Variants in TENM3 observed in about 807,000 individuals in gnomAD.
TENM3 encodes the protein teneurin-3.
Under a neutral mutation model 255.1 loss-of-function variants are expected in TENM3, and 63 were observed. The ratio of observed to expected loss-of-function variants is 0.25; its 90% confidence interval spans 0.20 to 0.30. The LOEUF (loss-of-function observed/expected upper bound fraction) is 0.30, where lower values mean the gene tolerates loss of function less well. TENM3 is among the 10% of genes least tolerant of loss of function. The probability of loss-of-function intolerance (pLI) is 1.00; values close to 1 mark genes in which losing one functional copy is unlikely to be tolerated. For synonymous variants in TENM3, 1,306 were observed against 1,322.3 expected (o/e 0.99, Z 0.27); for missense variants, 2,929 against 3,461.1 (o/e 0.85, Z 3.86).
intron 19 of TENM3, 130 bp from the exon 20 acceptor site, chr4:182,751,670 C>T: frequency 1.5e-6 from 1 of 673,004 alleles, no homozygotes; most frequent in Non-Finnish European, 2.7e-6. Flanking sequence ...CAGTACTATT[C>T]ATGTCTAATC....
the TENM3 span, among the ~76,000 whole-genome samples, chr4:181,949,443 T>C: frequency 1.3e-5 from 2 of 152,198 alleles, no homozygotes; most frequent in African/African-American, 2.4e-5. Flanking sequence ...TTGTCTTCTC[T>C]CTTTGTCACA....
the TENM3 span, among the ~76,000 whole-genome samples, chr4:181,970,203 AAAT>A: frequency 6.6e-6 from 1 of 152,244 alleles, no homozygotes; most frequent in Non-Finnish European, 1.5e-5. Context: ...GTAGTCATTT[AAAT>A]AATAATGAGG....
the TENM3 span, among the ~76,000 whole-genome samples, chr4:181,785,293 A>G: frequency 6.6e-6 from 1 of 152,154 alleles, no homozygotes; most frequent in Non-Finnish European, 1.5e-5. Flanking sequence ...AAATGAAATC[A>G]GAAAGGGTGG....
rs563277542 is a variant in TENM3, at chr4:182,741,417, G to T, written c.3380-1753G>T. On this transcript the variant is annotated intron_variant, in intron 18 of 27. Transcript: ENST00000511685. ...GAAACGTAGATGCTGACAGTTATTCGTGCGGGCGCCCTGAAACATGGAAAT... is the reference window on the plus strand; with the variant it reads ...GAAACGTAGATGCTGACAGTTATTCTTGCGGGCGCCCTGAAACATGGAAAT... 5.7e-4 allele frequency among the ~76,000 whole-genome samples: 87 copies of T among 152,300 alleles called. No individual in the cohort carries two copies. The Middle Eastern group carries it at 0.01, about 18-fold the overall frequency.
At chr4:182,174,616 CAGAT>C (rs1321822930) in intron 1 of TENM3, among the ~76,000 whole-genome samples, 1 of 151,788 alleles carries the variant, frequency 6.6e-6, no homozygotes, top group Non-Finnish European at 1.5e-5. Context: ...TACTTGGGGT[CAGAT>C]AGAGCCCCAC....
At chr4:182,558,473 G>C (rs1051978206) in intron 3 of TENM3, among the ~76,000 whole-genome samples, 2 of 152,154 alleles carry the variant, frequency 1.3e-5, no homozygotes, top group African/African-American at 4.8e-5. Flanking sequence ...TTGCCAACAG[G>C]CTACTCTAGA....
At chr4:182,139,871 A>G (rs1321766369), upstream of TENM3, among the ~76,000 whole-genome samples, 7 of 152,244 alleles carry the variant, frequency 4.6e-5, no homozygotes, top group Non-Finnish European at 1.0e-4. Context: ...GTACTGGAGA[A>G]GCATGGTCCC....
chr4:181,879,194 A>G, the TENM3 span, among the ~76,000 whole-genome samples: 2 of 152,228 alleles, frequency 1.3e-5, no homozygotes, highest in South Asian at 2.1e-4. Context: ...GTCAAGTGAC[A>G]TAAATTCAGA....
At chr4:181,938,884 G>A in the TENM3 span, among the ~76,000 whole-genome samples, 1 of 152,140 alleles carries the variant, frequency 6.6e-6, no homozygotes, top group Non-Finnish European at 1.5e-5. Context: ...TTGTGAAAGG[G>A]CTTTTGGAAA....
chr4:182,558,924 C>T (rs1580933014), intron 3 of TENM3, among the ~76,000 whole-genome samples: 1 of 152,034 alleles, frequency 6.6e-6, no homozygotes, highest in African/African-American at 2.4e-5. Flanking sequence ...AAAGAATAAT[C>T]CAAATGCCCA....
chr4:181,780,460 T>C, the TENM3 span, among the ~76,000 whole-genome samples: 26,244 of 152,188 alleles, frequency 0.17, 2,368 homozygotes, highest in East Asian at 0.25. Context: ...GTTAATATCC[T>C]TCACCCACTT....
chr4:181,868,893 G>T, the TENM3 span, among the ~76,000 whole-genome samples: 1 of 151,870 alleles, frequency 6.6e-6, no homozygotes, highest in Non-Finnish European at 1.5e-5. Context: ...CTTTCCAACA[G>T]CCTCTTGATT....
At chr4:181,630,687 C>T in the TENM3 span, among the ~76,000 whole-genome samples, 1 of 152,270 alleles carries the variant, frequency 6.6e-6, no homozygotes, top group African/African-American at 2.4e-5. Flanking sequence ...AGTTTGATTG[C>T]ACTGCGGTCT....
the TENM3 span, among the ~76,000 whole-genome samples, chr4:181,806,757 C>G: frequency 6.6e-6 from 1 of 152,210 alleles, no homozygotes; most frequent in Non-Finnish European, 1.5e-5. Context: ...CCCAGTTTCA[C>G]GTGTTCTGTT....
At chr4:182,526,811 T>G (rs1739239604) in intron 3 of TENM3, among the ~76,000 whole-genome samples, 1 of 152,220 alleles carries the variant, frequency 6.6e-6, no homozygotes, top group Non-Finnish European at 1.5e-5. Context: ...GACAGGTAGC[T>G]ACCGTTCTCA....
intron 1 of TENM3, among the ~76,000 whole-genome samples, chr4:182,169,984 A>G (rs990292296): frequency 2.0e-5 from 3 of 151,320 alleles, no homozygotes; most frequent in Admixed American, 6.6e-5. Flanking sequence ...GTGAATGACA[A>G]ATTTAAGTGT....
the TENM3 span, among the ~76,000 whole-genome samples, chr4:181,754,284 TCACACACACACACACACA>T: frequency 8.3e-5 from 12 of 144,516 alleles, no homozygotes; most frequent in East Asian, 4.2e-4. Flanking sequence ...TATATCCCAG[TCACACACACACACACACA>T]CACACACACA....
At chr4:181,691,482 G>A in the TENM3 span, among the ~76,000 whole-genome samples, 3 of 152,062 alleles carry the variant, frequency 2.0e-5, no homozygotes, top group Non-Finnish European at 4.4e-5. Context: ...AAAAGTAAGT[G>A]TAAAATGCAG....
At chr4:182,251,002 A>G (rs1350861330) in intron 1 of TENM3, among the ~76,000 whole-genome samples, 1 of 152,208 alleles carries the variant, frequency 6.6e-6, no homozygotes, top group Non-Finnish European at 1.5e-5. Context: ...ACAGTGAGAG[A>G]TTTGCCCAGA....
Sources: allele counts gnomAD v4.1 joint callset (sites outside exome capture counted in the v4.1 genomes callset), GRCh38; gene constraint gnomAD v4.1.1; transcripts MANE v1.5; gene names NCBI Gene and HGNC (gene_info 2026-07-23, HGNC 2026-07-21).